Variants in RBM20 observed in about 807,000 individuals in gnomAD.
RBM20 encodes RNA-binding protein 20.
In RBM20, 51 loss-of-function variants were observed where a neutral mutation model predicts 110.1. That is an observed-to-expected ratio of 0.46 (90% CI 0.37 to 0.59). The LOEUF (loss-of-function observed/expected upper bound fraction) is 0.59. Among genes scored for constraint, RBM20 ranks in the 20% least tolerant of loss-of-function variants. RBM20 has a pLI of 0.00. For missense variants in RBM20, 1,512 were observed against 1,574.9 expected, an observed-to-expected ratio of 0.96 and a Z score of 0.68; for synonymous variants, 589 against 618.2, an observed-to-expected ratio of 0.95 and a Z score of 0.70.
chr10:110,768,829 T>C (rs562042008), intron 1 of RBM20, among the ~76,000 whole-genome samples: 2 of 152,354 alleles, frequency 1.3e-5, no homozygotes, highest in South Asian at 2.1e-4. Flanking sequence ...GGGGAAATCT[T>C]GTTGCAAAAA....
At chr10:110,807,770 G>T (rs926758937) in intron 7 of RBM20, among the ~76,000 whole-genome samples, 2 of 152,228 alleles carry the variant, frequency 1.3e-5, no homozygotes, top group Middle Eastern at 6.3e-3. Flanking sequence ...GAACCTTGGG[G>T]ACTCTTTTTA....
chr10:110,668,671 A>T (rs10885010), intron 1 of RBM20, among the ~76,000 whole-genome samples: 45,125 of 151,900 alleles, frequency 0.3, 8,273 homozygotes, highest in East Asian at 0.64. Flanking sequence ...TGAGAGTGCC[A>T]GAGAAACCTT....
intron 1 of RBM20, among the ~76,000 whole-genome samples, chr10:110,750,114 G>T (rs1303253814): frequency 6.6e-6 from 1 of 152,202 alleles, no homozygotes; most frequent in Admixed American, 6.5e-5. Flanking sequence ...GGGGACATCA[G>T]CTTTATCCAT....
intron 1 of RBM20, among the ~76,000 whole-genome samples, chr10:110,701,587 C>T (rs1219499392): frequency 6.6e-6 from 1 of 152,168 alleles, no homozygotes; most frequent in African/African-American, 2.4e-5. Flanking sequence ...TGACTTTCTG[C>T]TAAAATAATT....
intron 1 of RBM20, among the ~76,000 whole-genome samples, chr10:110,662,192 A>G (rs879783337): frequency 5.3e-5 from 8 of 152,176 alleles, no homozygotes; most frequent in Admixed American, 1.3e-4. Flanking sequence ...CTGTGAAGGG[A>G]TGAGGAAAGA....
rs188066881 is a variant in RBM20, at chr10:110,839,201, G to A, written c.*3223G>A. On this transcript the variant is annotated 3_prime_UTR_variant, in exon 14 of 14. Transcript: ENST00000369519. ...AAATCTGATGGTGTGAGCAGCAGCC[G>A]TTAGTATCAGGGTTTCCCATTCTTG... 4 of 152,328 alleles carry A rather than the reference G, an allele frequency of 2.6e-5. No homozygotes were observed. The highest frequency in any genetic ancestry group is 2.1e-4 in the South Asian group (1 of 4,824). The allele number at this position is 152,328 out of a possible 1,614,324, so 9.4% of individuals were successfully genotyped here.
rs577571836 is a variant in RBM20 at position 110,818,304 on chromosome 10, A to AC, written c.2551-1768_2551-1767insC. Among the ~76,000 whole-genome samples the AC allele has an allele frequency of 2.8e-3, 431 of 151,386 alleles. 25 individuals carry two copies. In the South Asian group the frequency reaches 0.05, roughly 18 times the overall value. ...AAAACTCCATCTCAAAAAAAAAAAA[A>AC]AAACCAAAACGACAATATGGTGAGG... On this transcript the variant is annotated intron_variant, in intron 9 of 13. Transcript: ENST00000369519.
chr10:110,652,234 T>G (rs996566196), intron 1 of RBM20, among the ~76,000 whole-genome samples: 3 of 152,202 alleles, frequency 2.0e-5, no homozygotes, highest in Non-Finnish European at 4.4e-5. Context: ...TGCAAAGATC[T>G]CATGTTTGTT....
At chr10:110,679,435 G>A (rs1862388869) in intron 1 of RBM20, among the ~76,000 whole-genome samples, 1 of 151,976 alleles carries the variant, frequency 6.6e-6, no homozygotes, top group Non-Finnish European at 1.5e-5. Context: ...TTGCCCAGGT[G>A]ATCTCAAACT....
chr10:110,727,400 A>AAAAAT (rs1203904881), intron 1 of RBM20, among the ~76,000 whole-genome samples: 7 of 55,374 alleles, frequency 1.3e-4, no homozygotes, highest in Non-Finnish European at 2.0e-4. Flanking sequence ...AGTCCGTCTC[A>AAAAAT]AAAAATAAAA....
At chr10:110,784,522 C>T in intron 4 of RBM20, 90 bp downstream of exon 4, 2 of 933,080 alleles carry the variant, frequency 2.1e-6, no homozygotes, top group South Asian at 1.4e-5. Flanking sequence ...CAGGACTTCC[C>T]TGATGTCCCC....
intron 1 of RBM20, among the ~76,000 whole-genome samples, chr10:110,675,242 C>T (rs1048061816): frequency 1.7e-4 from 26 of 152,046 alleles, no homozygotes; most frequent in African/African-American, 6.0e-4. Context: ...GAAAAGAGAG[C>T]CTGTTTTGGT....
intron 1 of RBM20, among the ~76,000 whole-genome samples, chr10:110,732,431 T>C (rs1270352997): frequency 6.6e-6 from 1 of 152,206 alleles, no homozygotes; most frequent in Non-Finnish European, 1.5e-5. Flanking sequence ...TCCTTTCTCC[T>C]TCAGATGATT....
intron 1 of RBM20, among the ~76,000 whole-genome samples, chr10:110,672,505 T>G (rs1373288016): frequency 1.3e-5 from 2 of 152,248 alleles, no homozygotes; most frequent in African/African-American, 4.8e-5. Context: ...GGAGCTTCCG[T>G]GATCGTCAGC....
At chr10:110,776,855 A>G (rs1844271758) in intron 1 of RBM20, among the ~76,000 whole-genome samples, 2 of 152,198 alleles carry the variant, frequency 1.3e-5, no homozygotes, top group Non-Finnish European at 2.9e-5. Context: ...GAAAGAGTGT[A>G]CTGAAGCTCC....
At chr10:110,697,697 A>G (rs1862686551) in intron 1 of RBM20, among the ~76,000 whole-genome samples, 1 of 151,826 alleles carries the variant, frequency 6.6e-6, no homozygotes, top group African/African-American at 2.4e-5. Context: ...CACTGTCACT[A>G]TCCCTTCATT....
At chr10:110,765,201 A>C (rs1844063773) in intron 1 of RBM20, among the ~76,000 whole-genome samples, 1 of 152,132 alleles carries the variant, frequency 6.6e-6, no homozygotes, top group Admixed American at 6.6e-5. Context: ...ATGGAAGGGG[A>C]TGCATTCAGA....
chr10:110,806,303 T>C (rs1184168791), intron 7 of RBM20, among the ~76,000 whole-genome samples: 1 of 150,614 alleles, frequency 6.6e-6, no homozygotes, highest in African/African-American at 2.4e-5. Context: ...AACTGGGTAA[T>C]TTATAAAGAA....
chr10:110,800,368 C>T (rs1844606778), intron 7 of RBM20, among the ~76,000 whole-genome samples: 1 of 152,194 alleles, frequency 6.6e-6, no homozygotes. Flanking sequence ...TCTAAGCAGC[C>T]CTTGGCTGAA....
Sources: allele counts gnomAD v4.1 joint callset (sites outside exome capture counted in the v4.1 genomes callset), GRCh38; gene constraint gnomAD v4.1.1; transcripts MANE v1.5; gene names NCBI Gene and HGNC (gene_info 2026-07-23, HGNC 2026-07-21).